Variants in GMDS observed in about 807,000 individuals in gnomAD.
GMDS encodes GDP-mannose 4,6-dehydratase.
In GMDS, 20 loss-of-function variants were observed where a neutral mutation model predicts 49.9. That is an observed-to-expected ratio of 0.40 (90% confidence interval 0.28 to 0.58). GMDS has a LOEUF of 0.58. Among genes scored for constraint, GMDS ranks in the 20% least tolerant of loss-of-function variants. The probability of loss-of-function intolerance (pLI) is 0.42; values close to 1 mark genes in which losing one functional copy is unlikely to be tolerated. For synonymous variants in GMDS, 177 were observed against 178.6 expected (o/e 0.99, Z 0.07); for missense variants, 362 against 481.4 (o/e 0.75, Z 2.32).
At chr6:1,874,907 C>T (rs1379051046) in intron 7 of GMDS, among the ~76,000 whole-genome samples, 1 of 151,934 alleles carries the variant, frequency 6.6e-6, no homozygotes. Context: ...TTTCAAAATG[C>T]GAGAAGAAAA....
At chr6:1,858,387 T>C (rs1758034969) in intron 7 of GMDS, among the ~76,000 whole-genome samples, 1 of 152,216 alleles carries the variant, frequency 6.6e-6, no homozygotes, top group African/African-American at 2.4e-5. Context: ...TGTGCAGCTG[T>C]ATGGCTTTGT....
chr6:1,735,603 C>A (rs1189903183), intron 8 of GMDS, among the ~76,000 whole-genome samples: 1 of 152,182 alleles, frequency 6.6e-6, no homozygotes, highest in African/African-American at 2.4e-5. Flanking sequence ...CGCTCATCAG[C>A]TTACCCAGTG....
chr6:1,869,531 T>C (rs1758615419), intron 7 of GMDS, among the ~76,000 whole-genome samples: 1 of 152,202 alleles, frequency 6.6e-6, no homozygotes, highest in Non-Finnish European at 1.5e-5. Context: ...TCCTGGTCAA[T>C]GTCTGGTATT....
At chr6:1,692,281 C>T (rs146880163) in intron 9 of GMDS, among the ~76,000 whole-genome samples, 36 of 152,330 alleles carry the variant, frequency 2.4e-4, no homozygotes, top group African/African-American at 6.5e-4. Context: ...CCTGGTTCCT[C>T]GGCTTGCAGA....
intron 1 of GMDS, among the ~76,000 whole-genome samples, chr6:2,156,070 C>T (rs533052782): frequency 6.6e-6 from 1 of 151,854 alleles, no homozygotes; most frequent in South Asian, 2.1e-4. Flanking sequence ...TGTTAGCTTT[C>T]CTAAATGTCA....
intron 8 of GMDS, among the ~76,000 whole-genome samples, chr6:1,727,140 A>C (rs557184229): frequency 1.3e-5 from 2 of 152,168 alleles, no homozygotes; most frequent in Non-Finnish European, 2.9e-5. Flanking sequence ...GTGAGGGTAT[A>C]TCAATATTAC....
intron 8 of GMDS, among the ~76,000 whole-genome samples, chr6:1,737,786 TACACACATACATAC>T (rs1188481634): frequency 8.3e-5 from 7 of 84,138 alleles, no homozygotes; most frequent in Non-Finnish European, 1.4e-4. Context: ...TACACATACA[TACACACATACATAC>T]ACACACATAC....
chr6:2,098,532 T>C (rs1204949024), intron 4 of GMDS, among the ~76,000 whole-genome samples: 10 of 152,226 alleles, frequency 6.6e-5, no homozygotes, highest in Non-Finnish European at 1.5e-4. Flanking sequence ...TTATGGTAAT[T>C]TCATAAAAGG....
At chr6:2,051,697 TG>T (rs1770405855) in intron 4 of GMDS, among the ~76,000 whole-genome samples, 1 of 152,194 alleles carries the variant, frequency 6.6e-6, no homozygotes, top group African/African-American at 2.4e-5. Context: ...TGGAAGAATA[TG>T]TTTAAGTCTG....
intron 8 of GMDS, among the ~76,000 whole-genome samples, chr6:1,741,811 C>CAA (rs758949708): frequency 0.015 from 349 of 23,002 alleles, 65 homozygotes; most frequent in Middle Eastern, 0.036. Context: ...GACTCTGTCT[C>CAA]AAAAAAAAAA....
intron 4 of GMDS, among the ~76,000 whole-genome samples, chr6:1,987,003 T>A (rs887262241): frequency 3.9e-5 from 6 of 152,204 alleles, no homozygotes; most frequent in African/African-American, 1.4e-4. Flanking sequence ...AACCAGTAGT[T>A]GAGCCAGAAG....
At position 1,778,327 on chromosome 6, in the gene GMDS, C is replaced by T. The variant is rs74767111; in HGVS notation, c.772-35741G>A. 3.0e-3 allele frequency among the ~76,000 whole-genome samples: 453 copies of T among 152,230 alleles called. 3 individuals are homozygous for T. The highest frequency in any genetic ancestry group is 0.01 in the African/African-American group (435 of 41,540). On this transcript the variant is annotated intron_variant, in intron 7 of 10. Coordinates refer to ENST00000380815, the MANE Select transcript of GMDS (RefSeq NM_001500.4). This position sits in a 1 kb window ranked among gnomAD's most constrained non-coding sequence, Gnocchi z 4.6. ...CAAAAGTGACAATGTGGATAATTGCCTGTTTAGGATAATGGAATACTGATT... is the reference window on the plus strand; with the variant it reads ...CAAAAGTGACAATGTGGATAATTGCTTGTTTAGGATAATGGAATACTGATT...
chr6:1,881,203 C>G (rs1759346633), intron 7 of GMDS, among the ~76,000 whole-genome samples: 1 of 152,084 alleles, frequency 6.6e-6, no homozygotes, highest in South Asian at 2.1e-4. Flanking sequence ...GAAAAGCAGC[C>G]TTTCCTGCAG....
At chr6:1,934,983 G>A (rs1762457474) in intron 6 of GMDS, among the ~76,000 whole-genome samples, 1 of 152,174 alleles carries the variant, frequency 6.6e-6, no homozygotes, top group Non-Finnish European at 1.5e-5. Flanking sequence ...AAGCCACAGT[G>A]CAATGCAGGA....
chr6:1,807,189 G>A (rs1770213332), intron 7 of GMDS, among the ~76,000 whole-genome samples: 1 of 151,970 alleles, frequency 6.6e-6, no homozygotes, highest in South Asian at 2.1e-4. Flanking sequence ...CTACAAGTCT[G>A]TACCACCATG....
intron 9 of GMDS, among the ~76,000 whole-genome samples, chr6:1,718,107 G>T (rs1472628759): frequency 6.6e-6 from 1 of 152,032 alleles, no homozygotes; most frequent in African/African-American, 2.4e-5. Flanking sequence ...ATTCGAATTT[G>T]CCTGGCTCTG....
intron 4 of GMDS, among the ~76,000 whole-genome samples, chr6:1,984,882 CA>C (rs1765450490): frequency 6.6e-6 from 1 of 151,956 alleles, no homozygotes; most frequent in South Asian, 2.1e-4. Flanking sequence ...AGGAATGGCC[CA>C]AAACAACACA....
At chr6:2,070,836 A>C (rs529712968) in intron 4 of GMDS, among the ~76,000 whole-genome samples, 3 of 152,276 alleles carry the variant, frequency 2.0e-5, no homozygotes, top group African/African-American at 7.2e-5. Flanking sequence ...ATATGTCCAA[A>C]GGATTCCCAT....
At chr6:2,170,049 C>G (rs939543515) in intron 1 of GMDS, among the ~76,000 whole-genome samples, 1 of 152,180 alleles carries the variant, frequency 6.6e-6, no homozygotes, top group East Asian at 1.9e-4. Context: ...ATTAAAAATA[C>G]AAAATCAGCC....
Sources: allele counts gnomAD v4.1 joint callset (sites outside exome capture counted in the v4.1 genomes callset), GRCh38; gene constraint gnomAD v4.1.1; non-coding constraint Gnocchi (gnomAD v3.1); transcripts MANE v1.5; gene names NCBI Gene and HGNC (gene_info 2026-07-23, HGNC 2026-07-21).